TTLL5: variants seen among roughly 807,000 people sequenced by gnomAD.
TTLL5 encodes the protein tubulin polyglutamylase TTLL5.
In TTLL5, 132 loss-of-function variants were observed where a neutral mutation model predicts 168.4. The ratio of observed to expected loss-of-function variants is 0.78; its 90% CI spans 0.68 to 0.91. The LOEUF (loss-of-function observed/expected upper bound fraction) is 0.91, where lower values mean the gene tolerates loss of function less well. TTLL5 is among the 40% of genes least tolerant of loss of function. The pLI is 0.00. For synonymous variants in TTLL5, 546 were observed against 558.6 expected (o/e 0.98, Z 0.32); for missense variants, 1,545 against 1,581.5 (o/e 0.98, Z 0.39).
intron 28 of TTLL5, among the ~76,000 whole-genome samples, chr14:75,833,399 A>C (rs1051786590): frequency 6.6e-6 from 1 of 152,162 alleles, no homozygotes; most frequent in Non-Finnish European, 1.5e-5. Flanking sequence ...TGGCCTGAGA[A>C]GCTCCCAATT....
chr14:75,740,425 G>C (rs529736740), intron 15 of TTLL5, among the ~76,000 whole-genome samples: 2 of 151,950 alleles, frequency 1.3e-5, no homozygotes, highest in African/African-American at 4.8e-5. Flanking sequence ...ACCTCATTTG[G>C]TTTTTTTCTA....
At chr14:75,709,233 T>C (rs1180005829) in intron 9 of TTLL5, 3 of 761,324 alleles carry the variant, frequency 3.9e-6, no homozygotes, top group Non-Finnish European at 7.2e-6. Flanking sequence ...TACCTATTTA[T>C]GTACAGGTGC....
intron 28 of TTLL5, among the ~76,000 whole-genome samples, chr14:75,829,718 G>T (rs1171375015): frequency 6.6e-6 from 1 of 152,140 alleles, no homozygotes; most frequent in Admixed American, 6.5e-5. Flanking sequence ...TCAGTCCCAG[G>T]TGTATAGGCT....
At chr14:75,953,390 T>C (rs1422511235) in intron 31 of TTLL5, among the ~76,000 whole-genome samples, 1 of 152,148 alleles carries the variant, frequency 6.6e-6, no homozygotes, top group Non-Finnish European at 1.5e-5. Flanking sequence ...CCCTCCTAAG[T>C]GTATACCCAA....
At chr14:75,685,312 G>A (rs995605899) in intron 5 of TTLL5, among the ~76,000 whole-genome samples, 5 of 150,518 alleles carry the variant, frequency 3.3e-5, no homozygotes, top group Admixed American at 1.3e-4. Flanking sequence ...GGTGGTCAGG[G>A]CTTCAGTGAG....
At chr14:75,914,033 A>AAAAT in intron 31 of TTLL5, among the ~76,000 whole-genome samples, 1 of 71,118 alleles carries the variant, frequency 1.4e-5, no homozygotes, top group Non-Finnish European at 2.1e-5. Context: ...AAAAAAAAAA[A>AAAAT]ATATATATAT....
rs367952252 is a variant in TTLL5, at chr14:75,919,221, AGG to A, written c.3823+16998_3823+16999del. Among the ~76,000 whole-genome samples the A allele has an allele frequency of 3.8e-3, 513 of 133,612 alleles. 6 individuals carry two copies. The highest frequency in any genetic ancestry group is 0.011 in the African/African-American group (389 of 36,824). The allele number at this position is 133,612 out of a possible 152,430, so 87.7% of individuals were successfully genotyped here. The stretch of plus-strand genomic sequence containing the variant: ...TCAAAAAAAAAAAAAAAAAAAAAAA[AGG>A]AAAAAGAAAAAGAAAAGAAAAGCTT... On this transcript the variant is annotated intron_variant, in intron 31 of 31. Coordinates refer to ENST00000298832, the MANE Select transcript of TTLL5 (RefSeq NM_015072.5).
At chr14:75,682,573 A>C (rs1422285132) in intron 4 of TTLL5, among the ~76,000 whole-genome samples, 1 of 152,048 alleles carries the variant, frequency 6.6e-6, no homozygotes, top group Non-Finnish European at 1.5e-5. Context: ...TGGGTGGGTG[A>C]TTGACAGGTT....
intron 28 of TTLL5, among the ~76,000 whole-genome samples, chr14:75,852,006 A>G (rs1260699074): frequency 1.3e-5 from 2 of 152,264 alleles, no homozygotes; most frequent in Non-Finnish European, 2.9e-5. Flanking sequence ...TAAACGCTGT[A>G]CATAGATTAT....
At chr14:75,810,356 T>C (rs1322945986) in intron 27 of TTLL5, among the ~76,000 whole-genome samples, 1 of 152,126 alleles carries the variant, frequency 6.6e-6, no homozygotes, top group East Asian at 1.9e-4. Context: ...TCTCTCTCTC[T>C]GTTTTTCTTT....
chr14:75,698,842 G>T (rs1168664382), intron 6 of TTLL5, among the ~76,000 whole-genome samples: 1 of 151,696 alleles, frequency 6.6e-6, no homozygotes, highest in Non-Finnish European at 1.5e-5. Flanking sequence ...GAGGTTGAGG[G>T]TGCAATAAGC....
chr14:75,811,714 G>C, intron 27 of TTLL5, among the ~76,000 whole-genome samples: 1 of 152,272 alleles, frequency 6.6e-6, no homozygotes, highest in East Asian at 1.9e-4. Context: ...TTAAGCATTC[G>C]GGACTGCAGC....
chr14:75,741,155 A>G (rs544394475), intron 15 of TTLL5, among the ~76,000 whole-genome samples: 2 of 152,320 alleles, frequency 1.3e-5, no homozygotes, highest in African/African-American at 4.8e-5. Context: ...TGATGGTTAG[A>G]TATGTAAGGT....
At chr14:75,765,923 A>G (rs1022896279) in intron 19 of TTLL5, 139 bp from the exon 20 acceptor site, 12 of 625,922 alleles carry the variant, frequency 1.9e-5, no homozygotes, top group Middle Eastern at 4.3e-4. Flanking sequence ...AGAGAGTGAC[A>G]TGTGGGTGCT....
chr14:75,765,366 C>A (rs1393168785), intron 19 of TTLL5, among the ~76,000 whole-genome samples: 1 of 152,122 alleles, frequency 6.6e-6, no homozygotes, highest in Non-Finnish European at 1.5e-5. Context: ...AATGAATAAA[C>A]ATAGGATAGA....
At chr14:75,726,454 T>G (rs1160063756) in intron 12 of TTLL5, among the ~76,000 whole-genome samples, 1 of 152,174 alleles carries the variant, frequency 6.6e-6, no homozygotes, top group Non-Finnish European at 1.5e-5. Context: ...TATGTGCTAG[T>G]TATGGTGCAG....
At chr14:75,938,061 C>G (rs1374705593) in intron 31 of TTLL5, among the ~76,000 whole-genome samples, 1 of 152,148 alleles carries the variant, frequency 6.6e-6, no homozygotes, top group Non-Finnish European at 1.5e-5. Flanking sequence ...TTGATAGTAG[C>G]CATCCTAATG....
chr14:75,690,136 A>G, intron 5 of TTLL5, 56 bp from the exon 6 acceptor site: 2 of 1,600,846 alleles, frequency 1.2e-6, no homozygotes, highest in East Asian at 2.2e-5. Flanking sequence ...ATGTGATAAC[A>G]CAGGAAAATT....
chr14:75,742,291 A>G (rs1383830028), intron 15 of TTLL5, among the ~76,000 whole-genome samples: 1 of 152,006 alleles, frequency 6.6e-6, no homozygotes, highest in African/African-American at 2.4e-5. Context: ...GCTGTTTCTT[A>G]CTCTCTCTTT....
Sources: allele counts gnomAD v4.1 joint callset (sites outside exome capture counted in the v4.1 genomes callset), GRCh38; gene constraint gnomAD v4.1.1; transcripts MANE v1.5; gene names NCBI Gene and HGNC (gene_info 2026-07-23, HGNC 2026-07-21).